The following SMG6 variants were observed in gnomAD, a reference collection of about 807,000 sequenced individuals.
The protein encoded by SMG6 is SMG6 nonsense mediated mRNA decay factor, also known as telomerase-binding protein EST1A.
In SMG6, 66 loss-of-function variants were observed where a neutral mutation model predicts 142.2. The observed-to-expected ratio is 0.46, with a 90% confidence interval of 0.38 to 0.57. SMG6 has a LOEUF of 0.57. Ranked by LOEUF, SMG6 falls within the 20% of genes least tolerant of loss-of-function variation. SMG6 has a pLI of 0.00. For synonymous variants in SMG6, 779 were observed against 702.4 expected (o/e 1.11, Z -1.72); for missense variants, 1,793 against 1,832.0 (o/e 0.98, Z 0.39).
At chr17:2,123,780 TTGTGTA>T (rs950748258) in intron 13 of SMG6, among the ~76,000 whole-genome samples, 6 of 151,958 alleles carry the variant, frequency 3.9e-5, no homozygotes, top group Non-Finnish European at 7.4e-5. Context: ...AGGAGTGTGT[TTGTGTA>T]TATGTTTGTG....
At chr17:2,242,689 TAAAAAAAAAAA>T (rs57079220) in intron 9 of SMG6, among the ~76,000 whole-genome samples, 111 of 55,854 alleles carry the variant, frequency 2.0e-3, no homozygotes, top group African/African-American at 3.6e-3. Flanking sequence ...TCCATCTCTT[TAAAAAAAAAAA>T]AAAAAAAAAA....
chr17:2,239,541 A>C (rs1401626530), intron 9 of SMG6, among the ~76,000 whole-genome samples: 2 of 152,220 alleles, frequency 1.3e-5, no homozygotes, highest in African/African-American at 4.8e-5. Context: ...AAACATATTA[A>C]ATGAAAATAG....
chr17:2,261,569 C>T (rs528009506), intron 8 of SMG6, among the ~76,000 whole-genome samples: 2 of 152,310 alleles, frequency 1.3e-5, no homozygotes, highest in African/African-American at 2.4e-5. Context: ...GTCCTAATCC[C>T]CACCATTATT....
chr17:2,082,474 AC>A (rs1277940792), intron 14 of SMG6, among the ~76,000 whole-genome samples: 1 of 152,096 alleles, frequency 6.6e-6, no homozygotes, highest in Admixed American at 6.5e-5. Context: ...AGCTCAGCAG[AC>A]CTCGCCCTGG....
In SMG6 at chr17:2,092,341, G is replaced by GCTAA. The variant is rs1488846857; in HGVS notation, c.3358-6444_3358-6441dup. Among the ~76,000 whole-genome samples the GCTAA allele has an allele frequency of 6.6e-5, 10 of 152,296 alleles. 1 individual carries two copies. Among genetic ancestry groups the GCTAA allele is most frequent in the Admixed American group, 5.2e-4 (8 of 15,306 alleles). On this transcript the variant is annotated intron_variant, in intron 13 of 18. Transcript: ENST00000263073. ...GGGTCATTGGGTCACAAGATGAAAT[G>GCTAA]CTAACATCATTGGTCCACCCACAGC...
At chr17:2,126,334 A>C (rs2069876043) in intron 13 of SMG6, among the ~76,000 whole-genome samples, 1 of 152,256 alleles carries the variant, frequency 6.6e-6, no homozygotes, top group Non-Finnish European at 1.5e-5. Flanking sequence ...AGCTAAAACT[A>C]GAAAACTCTT....
At chr17:2,125,810 G>C (rs1459024195) in intron 13 of SMG6, among the ~76,000 whole-genome samples, 4 of 152,100 alleles carry the variant, frequency 2.6e-5, no homozygotes, top group Non-Finnish European at 5.9e-5. Flanking sequence ...AAAATCAGCT[G>C]GGTGTGGTGG....
intron 10 of SMG6, among the ~76,000 whole-genome samples, chr17:2,234,550 A>C (rs2073595018): frequency 6.6e-6 from 1 of 152,214 alleles, no homozygotes; most frequent in Non-Finnish European, 1.5e-5. Context: ...GGCGTGAGCC[A>C]CCGCACCCGG....
rs7359529 is a variant in SMG6 at position 2,102,052 on chromosome 17, G to A, written c.3358-16151C>T. On this transcript the variant is annotated intron_variant, in intron 13 of 18. Coordinates refer to ENST00000263073, the MANE Select transcript of SMG6 (RefSeq NM_017575.5). ...TGCACTCCTCCTGGGTGGGTGACAC[G>A]CCACAGTCTAGGACAAGCAGGGCCT... Among the ~76,000 whole-genome samples the A allele has an allele frequency of 9.2e-3, 1,394 of 152,262 alleles. 16 individuals carry two copies. The highest frequency in any genetic ancestry group is 0.015 in the Non-Finnish European group (987 of 68,022).
At chr17:2,258,036 T>TACAC (rs1448768167) in intron 8 of SMG6, among the ~76,000 whole-genome samples, 1 of 66,698 alleles carries the variant, frequency 1.5e-5, no homozygotes, top group South Asian at 4.3e-4. Flanking sequence ...AAAAAAAAAA[T>TACAC]ATACACACAC....
chr17:2,258,054 C>T (rs146662418), intron 8 of SMG6, among the ~76,000 whole-genome samples: 32,534 of 97,892 alleles, frequency 0.33, 6,076 homozygotes, highest in East Asian at 0.64. Flanking sequence ...CACACACACA[C>T]ACACACACAC....
intron 13 of SMG6, among the ~76,000 whole-genome samples, chr17:2,158,366 G>A (rs1365574557): frequency 6.6e-6 from 1 of 151,948 alleles, no homozygotes; most frequent in African/African-American, 2.4e-5. Context: ...AAAAAAAAAA[G>A]TATTGCTAGA....
chr17:2,190,004 C>T (rs1252127677), intron 10 of SMG6, among the ~76,000 whole-genome samples: 2 of 152,154 alleles, frequency 1.3e-5, no homozygotes, highest in African/African-American at 2.4e-5. Flanking sequence ...CACTCCTGTC[C>T]TGTTAAGGCC....
At chr17:2,134,972 T>C (rs780610216) in intron 13 of SMG6, among the ~76,000 whole-genome samples, 20 of 152,104 alleles carry the variant, frequency 1.3e-4, no homozygotes, top group Non-Finnish European at 2.4e-4. Flanking sequence ...TTCTGCCTCC[T>C]GGGTTCAAGT....
chr17:2,213,237 T>C (rs1219457619), intron 10 of SMG6, among the ~76,000 whole-genome samples: 3 of 152,330 alleles, frequency 2.0e-5, no homozygotes, highest in East Asian at 1.9e-4. Context: ...AAGCACTTTC[T>C]TTTTGAGCTC....
chr17:2,073,568 A>G (rs1225848970), intron 15 of SMG6, among the ~76,000 whole-genome samples: 2 of 151,136 alleles, frequency 1.3e-5, no homozygotes, highest in African/African-American at 2.4e-5. Flanking sequence ...AATTAGCTGG[A>G]CGTGGTGGCT....
intron 10 of SMG6, among the ~76,000 whole-genome samples, chr17:2,218,863 G>A (rs927325465): frequency 2.0e-5 from 3 of 152,146 alleles, no homozygotes; most frequent in African/African-American, 7.2e-5. Flanking sequence ...TTCACTGACT[G>A]TAACAAATGT....
chr17:2,250,026 G>A (rs1308015874), intron 8 of SMG6, among the ~76,000 whole-genome samples: 1 of 152,198 alleles, frequency 6.6e-6, no homozygotes, highest in African/African-American at 2.4e-5. Flanking sequence ...GAACTAAAAG[G>A]ATGAAATGAA....
chr17:2,235,270 T>A (rs2073617501), intron 10 of SMG6, among the ~76,000 whole-genome samples: 5 of 152,170 alleles, frequency 3.3e-5, no homozygotes, highest in Non-Finnish European at 5.9e-5. Context: ...CACTTTCTGC[T>A]GGGAATTCTA....
Sources: allele counts gnomAD v4.1 joint callset (sites outside exome capture counted in the v4.1 genomes callset), GRCh38; gene constraint gnomAD v4.1.1; transcripts MANE v1.5; gene names NCBI Gene and HGNC (gene_info 2026-07-23, HGNC 2026-07-21).